ATM: variants seen among roughly 807,000 people sequenced by gnomAD.
ATM encodes ATM serine/threonine kinase.
In ATM, 308 loss-of-function variants were observed where a neutral mutation model predicts 387.0. That is an observed-to-expected ratio of 0.80 (90% CI 0.73 to 0.87). The LOEUF (loss-of-function observed/expected upper bound fraction) is 0.87. Ranked by LOEUF, ATM falls within the 40% of genes least tolerant of loss-of-function variation. ATM has a pLI of 0.00. For missense variants in ATM, 3,312 were observed against 3,560.9 expected (o/e 0.93, Z 1.78); for synonymous variants, 1,156 against 1,187.3 (o/e 0.97, Z 0.54).
chr11:108,256,679 CCT>C (rs1555075241), intron 14 of ATM, among the ~76,000 whole-genome samples: 5 of 152,076 alleles, frequency 3.3e-5, no homozygotes, highest in Non-Finnish European at 5.9e-5. Context: ...CCCCCGACCC[CCT>C]GTCAGGCCCT....
intron 1 of ATM, chr11:108,227,277 C>T (rs537331506): frequency 5.7e-5 from 12 of 209,786 alleles, no homozygotes; most frequent in Admixed American, 2.7e-4. Flanking sequence ...TCCCAAAGTG[C>T]TGGGATTACA....
rs182689561 is a variant in ATM at position 108,282,461 on chromosome 11, A to G, written c.3577-249A>G. Among the ~76,000 whole-genome samples the G allele has an allele frequency of 2.0e-5, 3 of 151,960 alleles. No homozygotes were observed. In the East Asian group the frequency reaches 5.8e-4, roughly 29 times the overall value. ...ATTAAATCTTCCTTTAAGTATAACC[A>G]AATGTTGGAAACTCTTAGCATATTT... On this transcript the variant is annotated intron_variant, in intron 24 of 62. Coordinates refer to ENST00000675843, the MANE Select transcript of ATM (RefSeq NM_000051.4).
At chr11:108,277,707 G>A (rs1305633280) in intron 22 of ATM, among the ~76,000 whole-genome samples, 1 of 152,128 alleles carries the variant, frequency 6.6e-6, no homozygotes, top group African/African-American at 2.4e-5. Flanking sequence ...TCCGTGGGCT[G>A]CACCCACTGT....
chr11:108,293,892 A>ATATAT (rs1555100983), intron 31 of ATM, among the ~76,000 whole-genome samples: 3 of 108,942 alleles, frequency 2.8e-5, no homozygotes, highest in African/African-American at 6.8e-5. Context: ...AAAAAAAAAA[A>ATATAT]AAATATATAT....
intron 44 of ATM, among the ~76,000 whole-genome samples, chr11:108,320,781 G>GT (rs1463748532): frequency 6.6e-6 from 1 of 152,160 alleles, no homozygotes; most frequent in Non-Finnish European, 1.5e-5. Flanking sequence ...ATTTGAAAAT[G>GT]TGAGTATTAC....
In ATM at chr11:108,257,689, A is replaced by G. The variant is rs565990561; in HGVS notation, c.2376+83A>G. 282 of 1,376,932 alleles carry G rather than the reference A, an allele frequency of 2.0e-4. No individual in the cohort carries two copies. In the Middle Eastern group the frequency reaches 2.7e-3, roughly 13 times the overall value. The allele number at this position is 1,376,932 out of a possible 1,614,324, so 85.3% of individuals were successfully genotyped here. ...GGCTGGAGTGCAGTGGGATTGTCAC[A>G]ACTCATTGTAGCCTTGACCTCCTGG... On this transcript the variant is annotated intron_variant, in intron 15 of 62. Transcript: ENST00000675843.
intron 38 of ATM, chr11:108,308,624 C>CTAT: frequency 4.8e-6 from 1 of 207,186 alleles, no homozygotes; most frequent in Middle Eastern, 2.2e-3. Context: ...TGTAGTAGGC[C>CTAT]TATAATTTGA....
intron 26 of ATM, among the ~76,000 whole-genome samples, 165 bp downstream of exon 26, chr11:108,284,638 G>T (rs563102433): frequency 3.9e-5 from 6 of 151,978 alleles, no homozygotes; most frequent in African/African-American, 1.5e-4. Context: ...TGGTTATGTC[G>T]TGTTGTCTCC....
chr11:108,326,449 A>G (rs1431706152), intron 47 of ATM, among the ~76,000 whole-genome samples: 6 of 152,180 alleles, frequency 3.9e-5, no homozygotes, highest in Non-Finnish European at 7.3e-5. Context: ...GATTCATTTA[A>G]TATATCCCAG....
intron 47 of ATM, among the ~76,000 whole-genome samples, chr11:108,326,782 T>C (rs183304352): frequency 6.6e-6 from 1 of 152,314 alleles, no homozygotes; most frequent in East Asian, 1.9e-4. Flanking sequence ...CCCACAGACA[T>C]GTACCTGCTT....
chr11:108,238,933 A>G (rs1376917905), intron 5 of ATM, among the ~76,000 whole-genome samples: 1 of 151,988 alleles, frequency 6.6e-6, no homozygotes, highest in Non-Finnish European at 1.5e-5. Context: ...TTTTTTTTCT[A>G]TACTCAGTAA....
At chr11:108,361,690 A>T (rs1389757976) in intron 61 of ATM, among the ~76,000 whole-genome samples, 1 of 151,788 alleles carries the variant, frequency 6.6e-6, no homozygotes, top group African/African-American at 2.4e-5. Context: ...AAAAACAAGC[A>T]ATGGGGAAAG....
chr11:108,250,100 A>G (rs2080050380), intron 9 of ATM, among the ~76,000 whole-genome samples: 1 of 151,048 alleles, frequency 6.6e-6, no homozygotes, highest in Non-Finnish European at 1.5e-5. Flanking sequence ...GTGACTAAAG[A>G]GCAAGGATGT....
chr11:108,318,008 A>G (rs2084897501), intron 43 of ATM, among the ~76,000 whole-genome samples: 1 of 152,082 alleles, frequency 6.6e-6, no homozygotes, highest in Non-Finnish European at 1.5e-5. Context: ...TAGCACTTAT[A>G]TTGGCTGGAG....
intron 43 of ATM, among the ~76,000 whole-genome samples, chr11:108,318,849 A>G (rs970169706): frequency 6.6e-6 from 1 of 152,084 alleles, no homozygotes; most frequent in Non-Finnish European, 1.5e-5. Flanking sequence ...AAAATTAATT[A>G]TGTTTAAGTA....
Position 108,331,455 on chromosome 11 carries a change from G to C in ATM, c.7527G>C (p.Met2509Ile), listed in dbSNP as rs1060501579. 3 of 1,612,872 alleles carry C rather than the reference G, an allele frequency of 1.9e-6. No individual in the cohort carries two copies. The African/African-American group carries it at 4.0e-5, about 22-fold the overall frequency. The part of the protein sequence containing the change: ...EVNGMMKRDG[M>I]KIPTYKFLPL... Reference sequence around the variant, plus strand: ...TTTTTTAATGGTAGAGAGACGGAATGAAGATTCCAACATATAAATTTTTGC... The same window carrying C: ...TTTTTTAATGGTAGAGAGACGGAATCAAGATTCCAACATATAAATTTTTGC... Residue 2509 changes from methionine to isoleucine, a missense_variant, in exon 51 of 63, where the codon ATG becomes ATC. Met to Ile is a conservative substitution (Grantham distance 10, BLOSUM62 1). This residue lies in a region of ATM where 1,405 missense variants were observed against 1,604.4 expected (regional missense o/e 0.88). Transcript: ENST00000675843.
Position 108,259,047 on chromosome 11 carries a change from A to G in ATM, c.2438A>G (p.Asn813Ser). 3 of 1,613,708 alleles carry G rather than the reference A, an allele frequency of 1.9e-6. No individual in the cohort carries two copies. Among genetic ancestry groups the G allele is most frequent in the Non-Finnish European group, 2.5e-6 (3 of 1,179,890 alleles). Reference sequence around the variant, plus strand: ...CGATTGTTAACATCAAAGCTAATGAATGACATTGCAGATATTTGTAAAAGT... The same window carrying G: ...CGATTGTTAACATCAAAGCTAATGAGTGACATTGCAGATATTTGTAAAAGT... ...FLRLLTSKLMNDIADICKSLA... is the reference protein window; with the variant it reads ...FLRLLTSKLMSDIADICKSLA... The change falls in exon 16 of 63, where the codon AAT becomes AGT. Residue 813 changes from asparagine to serine, a missense_variant. By Grantham distance (46) the Asn-to-Ser change is conservative. Around this residue, in one of 4 missense-constraint regions of ATM, gnomAD observed 1,791 missense variants for 1,804.5 expected, o/e 0.99. Coordinates refer to ENST00000675843, the MANE Select transcript of ATM (RefSeq NM_000051.4).
At position 108,302,951 on chromosome 11, in the gene ATM, A is replaced by G. The variant is rs763020528; in HGVS notation, c.5418A>G (p.Ile1806Met). The G allele has an allele frequency of 1.2e-5, 19 of 1,613,388 alleles. No individual in the cohort carries two copies. Among genetic ancestry groups the G allele is most frequent in the Admixed American group, 6.7e-5 (4 of 59,998 alleles). ...IPLSENHDIW[I>M]KTLTCAFLDS... ...TAAGTGAAAATCATGACATTTGGAT[A>G]AAGACACTGACTTGTGCTTTTTTGG... is the stretch of plus-strand genomic sequence containing the variant. The change falls in exon 36 of 63, where the codon ATA becomes ATG. Residue 1806 changes from isoleucine to methionine, a missense_variant. Transcript: ENST00000675843.
intron 5 of ATM, among the ~76,000 whole-genome samples, chr11:108,240,140 G>A (rs1289537321): frequency 1.3e-5 from 2 of 152,098 alleles, no homozygotes; most frequent in Admixed American, 1.3e-4. Context: ...ACTTTTGGTG[G>A]TACATATGCT....
Sources: allele counts gnomAD v4.1 joint callset (sites outside exome capture counted in the v4.1 genomes callset), GRCh38; gene constraint gnomAD v4.1.1; regional missense constraint gnomAD v4.1.1; transcripts MANE v1.5; gene names NCBI Gene and HGNC (gene_info 2026-07-23, HGNC 2026-07-21).